Variants in RBP4 observed in about 807,000 individuals in gnomAD.
The protein encoded by RBP4 is retinol binding protein 4.
A neutral mutation model predicts 26.2 loss-of-function variants in RBP4; 9 were observed. The ratio of observed to expected loss-of-function variants is 0.34; its 90% CI spans 0.21 to 0.60. The LOEUF is 0.60. RBP4 is among the 20% of genes least tolerant of loss of function. The pLI is 0.80. For missense variants in RBP4, 244 were observed against 271.3 expected, an observed-to-expected ratio of 0.90 and a Z score of 0.71; for synonymous variants, 114 against 111.0, an observed-to-expected ratio of 1.03 and a Z score of -0.17.
rs751433559 is a variant in RBP4, at chr10:93,593,926, A to G, written c.465T>C (p.Phe155=). Reference sequence around the variant, plus strand: ...GGGGCAGGCCGTTGGGGTCCCGGGAAAACACGAAGGAGTAGCTGTCAGCAC... The same window carrying G: ...GGGGCAGGCCGTTGGGGTCCCGGGAGAACACGAAGGAGTAGCTGTCAGCAC... ...GTCADSYSFV[F]SRDPNGLPPE... The change falls in exon 5 of 6, where the codon TTT becomes TTC. Residue 155 remains phenylalanine (F), a synonymous_variant. Coordinates refer to ENST00000371464, the MANE Select transcript of RBP4 (RefSeq NM_006744.4). 6 of 1,614,094 alleles carry G rather than the reference A, an allele frequency of 3.7e-6. No individual in the cohort carries two copies. In the Admixed American group the frequency reaches 1.0e-4, roughly 27 times the overall value.
chr10:93,599,452 A>T (rs1195160656), intron 4 of RBP4, among the ~76,000 whole-genome samples: 4 of 152,094 alleles, frequency 2.6e-5, no homozygotes, highest in African/African-American at 9.7e-5. Context: ...CTCACAGAAG[A>T]GCTCAAACAA....
At chr10:93,593,708 G>A (rs184651755) in intron 5 of RBP4, 115 bp downstream of exon 5, 2 of 1,238,294 alleles carry the variant, frequency 1.6e-6, no homozygotes, top group African/African-American at 1.5e-5. Context: ...GGGCTCCCAA[G>A]AACCCCTGTT....
intron 2 of RBP4, 46 bp from the exon 3 acceptor site, chr10:93,600,849 G>A: frequency 5.0e-6 from 8 of 1,598,466 alleles, no homozygotes; most frequent in Non-Finnish European, 6.8e-6. Flanking sequence ...GGGGCGCACG[G>A]CGGGCCGCGG....
At chr10:93,594,255 G>A (rs2058288406) in intron 4 of RBP4, among the ~76,000 whole-genome samples, 1 of 152,076 alleles carries the variant, frequency 6.6e-6, no homozygotes, top group African/African-American at 2.4e-5. Context: ...TGGAGTCAGG[G>A]AAATCTCATT....
In RBP4 at chr10:93,593,920, C is replaced by G; in HGVS notation, c.471G>C (p.Arg157=). Residue 157 remains arginine (R), a synonymous_variant, in exon 5 of 6, where the codon CGG becomes CGC. Transcript: ENST00000371464. ...CADSYSFVFS[R]DPNGLPPEAQ... ...CTTCTGGGGGCAGGCCGTTGGGGTC[C>G]CGGGAAAACACGAAGGAGTAGCTGT... The G allele has an allele frequency of 6.2e-7, 1 of 1,614,024 alleles. No individual in the cohort carries two copies. Among genetic ancestry groups the G allele is most frequent in the Non-Finnish European group, 8.5e-7 (1 of 1,180,048 alleles).
In RBP4 at chr10:93,598,361, C is replaced by T. The variant is rs114007959; in HGVS notation, c.355+2032G>A. On this transcript the variant is annotated intron_variant, in intron 4 of 5. Transcript: ENST00000371464. ...TATGATCGTTTCACTTTGCAGATGA[C>T]GAAATAGGCACAGAGAAGTGAAGGA... Among the ~76,000 whole-genome samples, 804 of 152,266 alleles carry T rather than the reference C, an allele frequency of 5.3e-3. 5 individuals carry two copies. The highest frequency in any genetic ancestry group is 0.018 in the African/African-American group (752 of 41,544).
chr10:93,601,303 C>A, upstream of RBP4: 1 of 1,215,206 alleles, frequency 8.2e-7, no homozygotes. Flanking sequence ...CGTAACCGCG[C>A]GGGGTGAAAG....
chr10:93,595,712 G>A (rs190547734), intron 4 of RBP4, among the ~76,000 whole-genome samples: 1 of 152,360 alleles, frequency 6.6e-6, no homozygotes, highest in East Asian at 1.9e-4. Context: ...AGTTGCCTCT[G>A]GGTGTGCCTC....
At position 93,600,975 on chromosome 10, in the gene RBP4, C is replaced by G. The variant is rs778553827; in HGVS notation, c.54G>C (p.Ala18=). The part of the protein sequence containing the change: ...LLLAALGSGR[A]ERDCRVSSFR... ...AGCTGCTCACTCGGCAGTCGCGCTC[C>G]GCGCGGCCGCTGCCCAGCGCCGCCA... The change falls in exon 2 of 6, where the codon GCG becomes GCC. Residue 18 remains alanine (A), a synonymous_variant. Coordinates refer to ENST00000371464, the MANE Select transcript of RBP4 (RefSeq NM_006744.4). 1 of 1,612,224 alleles carries G rather than the reference C, an allele frequency of 6.2e-7. No individual in the cohort carries two copies. The highest frequency in any genetic ancestry group is 8.5e-7 in the Non-Finnish European group (1 of 1,179,744).
intron 4 of RBP4, among the ~76,000 whole-genome samples, chr10:93,599,247 T>TAA (rs1034604837): frequency 6.9e-6 from 1 of 144,080 alleles, no homozygotes; most frequent in African/African-American, 2.6e-5. Context: ...ACCCTGTCTC[T>TAA]AAAAAAAAAA....
intron 4 of RBP4, among the ~76,000 whole-genome samples, chr10:93,595,164 G>T (rs1282984940): frequency 6.6e-6 from 1 of 152,052 alleles, no homozygotes; most frequent in Non-Finnish European, 1.5e-5. Context: ...AAGAAAAAAA[G>T]AATGTATGTG....
intron 3 of RBP4, 31 bp from the exon 4 acceptor site, chr10:93,600,530 C>A (rs372328986): frequency 6.2e-7 from 1 of 1,613,504 alleles, no homozygotes; most frequent in Non-Finnish European, 8.5e-7. Flanking sequence ...CTCAGCCAAG[C>A]CGGGCAAAGG....
upstream of RBP4, chr10:93,601,276 G>C: frequency 8.2e-7 from 1 of 1,217,674 alleles, no homozygotes; most frequent in East Asian, 3.6e-5. Context: ...AGCGCCGGGG[G>C]GAGGGGGTCG....
At chr10:93,601,473 G>C, upstream of RBP4, 3 of 917,476 alleles carry the variant, frequency 3.3e-6, no homozygotes, top group South Asian at 6.2e-5. Flanking sequence ...ATGCGCCAGC[G>C]GCCCTGGCTC....
intron 4 of RBP4, among the ~76,000 whole-genome samples, chr10:93,598,082 GTGC>G (rs1168850068): frequency 1.3e-5 from 2 of 152,194 alleles, no homozygotes; most frequent in East Asian, 3.8e-4. Flanking sequence ...AATTCACCCT[GTGC>G]CCCTAGGCCA....
chr10:93,593,752 G>A (rs933046934), intron 5 of RBP4, 71 bp downstream of exon 5: 2 of 1,504,408 alleles, frequency 1.3e-6, no homozygotes, highest in African/African-American at 1.4e-5. Flanking sequence ...AATTTCACTA[G>A]CACGTGGGCC....
chr10:93,591,947 G>C lies in RBP4; in HGVS notation c.*128C>G. ...CTGACCCCCACGTGTATCTTTATGTGTAATGAAGGTTTTATGGGAACTGAG... is the reference window on the plus strand; with the variant it reads ...CTGACCCCCACGTGTATCTTTATGTCTAATGAAGGTTTTATGGGAACTGAG... On this transcript the variant is annotated 3_prime_UTR_variant, in exon 6 of 6. Coordinates refer to ENST00000371464, the MANE Select transcript of RBP4 (RefSeq NM_006744.4). 1.2e-6 allele frequency: 1 copy of C among 817,362 alleles called. No individual in the cohort carries two copies. Among genetic ancestry groups the C allele is most frequent in the Non-Finnish European group, 2.1e-6 (1 of 472,706 alleles). The allele number at this position is 817,362 out of a possible 1,614,324, so 50.6% of individuals were successfully genotyped here.
intron 4 of RBP4, among the ~76,000 whole-genome samples, chr10:93,599,729 G>C (rs1290679157): frequency 6.6e-6 from 1 of 152,142 alleles, no homozygotes; most frequent in Non-Finnish European, 1.5e-5. Flanking sequence ...TTGAAACTTA[G>C]GATAAATGGG....
intron 4 of RBP4, 55 bp from the exon 5 acceptor site, chr10:93,594,090 T>C: frequency 6.4e-7 from 1 of 1,565,164 alleles, no homozygotes; most frequent in Non-Finnish European, 8.8e-7. Flanking sequence ...TGGGCTCAGA[T>C]GTCGGAGAAA....
Sources: gnomAD v4.1 joint callset for allele counts (sites outside exome capture counted in the v4.1 genomes callset) on GRCh38, gnomAD v4.1.1 for gene constraint, MANE v1.5 for transcripts, NCBI Gene and HGNC (gene_info 2026-07-23, HGNC 2026-07-21) for gene names.